The following DCDC1 variants were observed in gnomAD, a reference collection of about 807,000 sequenced individuals.
The protein encoded by DCDC1 is doublecortin domain containing 1.
In DCDC1, 200 loss-of-function variants were observed where a neutral mutation model predicts 178.3. That is an observed-to-expected ratio of 1.12 (90% CI 1.00 to 1.26). The LOEUF is 1.26. Among genes scored for constraint, DCDC1 ranks in the 50% most tolerant of loss-of-function variants. DCDC1 has a pLI of 0.00. For synonymous variants in DCDC1, 690 were observed against 604.8 expected, an observed-to-expected ratio of 1.14 and a Z score of -2.07; for missense variants, 1,983 against 1,749.2, an observed-to-expected ratio of 1.13 and a Z score of -2.38.
chr11:30,944,956 TGTC>T (rs372128237), intron 21 of DCDC1, among the ~76,000 whole-genome samples: 1 of 138,566 alleles, frequency 7.2e-6, no homozygotes, highest in African/African-American at 2.6e-5. Context: ...TCAACAAAAA[TGTC>T]TTTTTTTTTT....
intron 2 of DCDC1, among the ~76,000 whole-genome samples, chr11:31,334,347 TTTG>T (rs765623995): frequency 2.0e-5 from 3 of 152,208 alleles, no homozygotes; most frequent in Non-Finnish European, 4.4e-5. Context: ...CTCAGAGAAG[TTTG>T]TTATTACCGA....
chr11:31,217,440 C>T (rs1283148275), intron 9 of DCDC1, among the ~76,000 whole-genome samples: 13 of 152,078 alleles, frequency 8.5e-5, no homozygotes, highest in African/African-American at 3.1e-4. Context: ...TAAGTTAAAT[C>T]ACAAATGGGT....
intron 20 of DCDC1, among the ~76,000 whole-genome samples, chr11:30,955,666 C>A (rs923741421): frequency 4.6e-5 from 7 of 152,156 alleles, no homozygotes; most frequent in Admixed American, 3.9e-4. Context: ...AATTCCTCAA[C>A]TCTTCCAGAT....
At chr11:31,207,429 A>G (rs931760829) in intron 9 of DCDC1, among the ~76,000 whole-genome samples, 2 of 152,190 alleles carry the variant, frequency 1.3e-5, no homozygotes, top group African/African-American at 2.4e-5. Context: ...TGTGCCATAA[A>G]TAAGTGTTGA....
chr11:31,026,189 G>C (rs1273792089), intron 20 of DCDC1, among the ~76,000 whole-genome samples: 2 of 151,662 alleles, frequency 1.3e-5, no homozygotes, highest in East Asian at 3.8e-4. Context: ...AGACAAAAAA[G>C]AGAGAGATAA....
chr11:30,925,251 C>A (rs1946519773), intron 23 of DCDC1, 58 bp downstream of exon 23: 1 of 1,432,106 alleles, frequency 7.0e-7, no homozygotes, highest in South Asian at 1.2e-5. Context: ...TAAGGGGATT[C>A]TTTCTTGGAT....
chr11:30,880,635 C>T (rs1409580454), intron 37 of DCDC1, among the ~76,000 whole-genome samples: 1 of 152,006 alleles, frequency 6.6e-6, no homozygotes, highest in East Asian at 1.9e-4. Context: ...TTAACTTCAT[C>T]AGGATATATA....
At chr11:30,968,491 C>T (rs1394836268) in intron 20 of DCDC1, among the ~76,000 whole-genome samples, 1 of 151,712 alleles carries the variant, frequency 6.6e-6, no homozygotes, top group African/African-American at 2.4e-5. Flanking sequence ...ACCACATTCA[C>T]ATAACCGTTA....
At chr11:31,356,604 A>C (rs1366428075) in intron 1 of DCDC1, among the ~76,000 whole-genome samples, 1 of 151,054 alleles carries the variant, frequency 6.6e-6, no homozygotes, top group Non-Finnish European at 1.5e-5. Flanking sequence ...AACTGAAGGA[A>C]ATAGAGACAC....
At chr11:30,994,509 C>T (rs770516497) in intron 20 of DCDC1, among the ~76,000 whole-genome samples, 1 of 145,932 alleles carries the variant, frequency 6.9e-6, no homozygotes, top group Non-Finnish European at 1.5e-5. Flanking sequence ...CCAGGCTGGT[C>T]TTGATCTCCT....
chr11:30,989,539 T>C (rs968766093), intron 20 of DCDC1, among the ~76,000 whole-genome samples: 2 of 152,152 alleles, frequency 1.3e-5, no homozygotes, highest in African/African-American at 4.8e-5. Flanking sequence ...TGCAACCATA[T>C]TGCATCAAAA....
chr11:31,088,504 A>C (rs941399306), intron 17 of DCDC1, among the ~76,000 whole-genome samples: 15 of 152,118 alleles, frequency 9.9e-5, no homozygotes, highest in African/African-American at 3.4e-4. Flanking sequence ...TATATTTTTA[A>C]CTTATCATAA....
intron 21 of DCDC1, among the ~76,000 whole-genome samples, chr11:30,948,226 C>T (rs1365928265): frequency 3.3e-5 from 5 of 151,868 alleles, no homozygotes; most frequent in African/African-American, 1.2e-4. Flanking sequence ...AAGCAGAGAG[C>T]CAAATAATGC....
intron 20 of DCDC1, among the ~76,000 whole-genome samples, chr11:30,955,228 T>G (rs2134514855): frequency 6.6e-6 from 1 of 152,336 alleles, no homozygotes; most frequent in South Asian, 2.1e-4. Context: ...TTGTTTCTCA[T>G]AGCCATATCT....
chr11:30,983,734 A>AT (rs1259589726), intron 20 of DCDC1, among the ~76,000 whole-genome samples: 1 of 152,192 alleles, frequency 6.6e-6, no homozygotes, highest in East Asian at 1.9e-4. Context: ...TTTTCACATT[A>AT]TATCTTTAAA....
chr11:31,354,069 C>T (rs960194714), intron 1 of DCDC1, among the ~76,000 whole-genome samples: 2 of 152,094 alleles, frequency 1.3e-5, no homozygotes, highest in African/African-American at 2.4e-5. Flanking sequence ...GGGAGGATCA[C>T]GAGGTCAAGA....
chr11:31,362,589 G>T (rs2133393307), intron 1 of DCDC1, among the ~76,000 whole-genome samples: 2 of 152,144 alleles, frequency 1.3e-5, no homozygotes, highest in East Asian at 3.9e-4. Flanking sequence ...ATCATTAAAG[G>T]CAAACAATCT....
At chr11:31,092,754 T>C (rs1957895485) in intron 16 of DCDC1, among the ~76,000 whole-genome samples, 1 of 152,288 alleles carries the variant, frequency 6.6e-6, no homozygotes, top group South Asian at 2.1e-4. Context: ...TAGCAACTGG[T>C]CCAACTCTTT....
intron 8 of DCDC1, among the ~76,000 whole-genome samples, chr11:31,265,160 A>G (rs1945066843): frequency 6.6e-6 from 1 of 152,154 alleles, no homozygotes; most frequent in Non-Finnish European, 1.5e-5. Context: ...TAAAACATCT[A>G]TCTGATCATA....
Sources: allele counts gnomAD v4.1 joint callset (sites outside exome capture counted in the v4.1 genomes callset), GRCh38; gene constraint gnomAD v4.1.1; transcripts MANE v1.5; gene names NCBI Gene and HGNC (gene_info 2026-07-23, HGNC 2026-07-21).